The following PCDH15 variants were observed in gnomAD, a reference collection of about 807,000 sequenced individuals.
The protein encoded by PCDH15 is protocadherin related 15.
PCDH15 carries 129 observed loss-of-function variants against 178.5 expected under a neutral mutation model. The observed-to-expected ratio is 0.72, with a 90% confidence interval of 0.63 to 0.84. The LOEUF (loss-of-function observed/expected upper bound fraction) is 0.84. Ranked by LOEUF, PCDH15 falls within the 40% of genes least tolerant of loss-of-function variation. The pLI is 0.00. For missense variants in PCDH15, 2,230 were observed against 2,099.9 expected (o/e 1.06, Z -1.21); for synonymous variants, 800 against 732.0 (o/e 1.09, Z -1.50).
intron 1 of PCDH15, among the ~76,000 whole-genome samples, chr10:54,774,901 A>G (rs1170999179): frequency 6.6e-6 from 1 of 150,944 alleles, no homozygotes; most frequent in Non-Finnish European, 1.5e-5. Context: ...TAATCTATTT[A>G]ATAAAGAAGA....
At chr10:53,839,721 AAAGT>A (rs2077527157) in intron 29 of PCDH15, among the ~76,000 whole-genome samples, 2 of 151,944 alleles carry the variant, frequency 1.3e-5, no homozygotes, top group South Asian at 2.1e-4. Flanking sequence ...ACATCCAAAG[AAAGT>A]AAGTAGCAGG....
chr10:54,020,205 G>A lies in PCDH15; in HGVS notation c.2738C>T (p.Thr913Ile). Residue 913 changes from threonine to isoleucine, a missense_variant, in exon 20 of 38, where the codon ACA becomes ATA. Physicochemically the swap from Thr to Ile is moderately conservative, Grantham distance 89. Coordinates refer to ENST00000644397, the MANE Select transcript of PCDH15 (RefSeq NM_001384140.1). The stretch of plus-strand genomic sequence containing the variant: ...TCTAGCCCTTACCTTTACAATCACT[G>A]TGACAGTAGCAATACCAGGTGGCAT... The part of the protein sequence containing the change: ...GTMPPGIATV[T>I]VIVKDMNDYP... 6.2e-7 allele frequency: 1 copy of A among 1,613,504 alleles called. No homozygotes were observed. The highest frequency in any genetic ancestry group is 1.1e-5 in the South Asian group (1 of 91,060).
chr10:54,584,030 G>A (rs1448405421), intron 2 of PCDH15, among the ~76,000 whole-genome samples: 1 of 151,992 alleles, frequency 6.6e-6, no homozygotes, highest in Admixed American at 6.6e-5. Flanking sequence ...ACATGCTTCA[G>A]AATGGAAAGA....
At chr10:55,463,941 GAAAGAAAGAAAGAA>G (rs1839747945) in intron 2 of PCDH15, among the ~76,000 whole-genome samples, 2 of 27,694 alleles carry the variant, frequency 7.2e-5, no homozygotes, top group African/African-American at 5.0e-4. Flanking sequence ...AAGAAAGAAA[GAAAGAAAGAAAGAA>G]AGAAAGAAAG....
At chr10:55,110,446 A>G (rs1837473308) in intron 2 of PCDH15, among the ~76,000 whole-genome samples, 1 of 152,076 alleles carries the variant, frequency 6.6e-6, no homozygotes, top group Non-Finnish European at 1.5e-5. Context: ...GTGCATGTTT[A>G]CCAGAATTAA....
intron 33 of PCDH15, among the ~76,000 whole-genome samples, chr10:53,819,643 T>G (rs1270995507): frequency 3.3e-5 from 5 of 152,022 alleles, no homozygotes; most frequent in Non-Finnish European, 7.4e-5. Flanking sequence ...TTAAAAGGTA[T>G]CTAATAATTT....
intron 29 of PCDH15, among the ~76,000 whole-genome samples, chr10:53,835,073 A>AAAACT (rs2077228360): frequency 6.6e-6 from 1 of 152,182 alleles, no homozygotes; most frequent in Non-Finnish European, 1.5e-5. Context: ...TTCTTTTCAC[A>AAAACT]GTTTCATAAC....
chr10:54,095,776 A>G (rs1386242944), intron 15 of PCDH15, among the ~76,000 whole-genome samples: 1 of 152,152 alleles, frequency 6.6e-6, no homozygotes, highest in African/African-American at 2.4e-5. Context: ...GACTTCCGTT[A>G]GATTTAGGGA....
At chr10:55,156,829 A>G (rs1246175063) in intron 2 of PCDH15, among the ~76,000 whole-genome samples, 1 of 152,082 alleles carries the variant, frequency 6.6e-6, no homozygotes, top group Non-Finnish European at 1.5e-5. Flanking sequence ...AAACAGAGAG[A>G]GGTTGGTGAC....
intron 1 of PCDH15, among the ~76,000 whole-genome samples, chr10:54,730,813 T>G (rs551372927): frequency 6.6e-6 from 1 of 151,482 alleles, no homozygotes; most frequent in Non-Finnish European, 1.5e-5. Context: ...GAAGAAAATA[T>G]TGAAAAAATA....
intron 1 of PCDH15, among the ~76,000 whole-genome samples, chr10:54,753,892 G>T (rs1016515191): frequency 4.2e-5 from 5 of 118,224 alleles, no homozygotes; most frequent in South Asian, 3.1e-4. Context: ...TTGTTTGTTT[G>T]TGTTTTTTTT....
intron 1 of PCDH15, among the ~76,000 whole-genome samples, chr10:55,279,108 T>C (rs1319120118): frequency 1.3e-5 from 2 of 152,140 alleles, no homozygotes; most frequent in African/African-American, 2.4e-5. Flanking sequence ...AGCCATTCCG[T>C]TTACAACTGT....
intron 15 of PCDH15, among the ~76,000 whole-genome samples, chr10:54,109,053 G>A (rs1284310766): frequency 6.6e-6 from 1 of 152,158 alleles, no homozygotes; most frequent in Non-Finnish European, 1.5e-5. Flanking sequence ...GAGACTTGCT[G>A]GCTTCAGATG....
At chr10:54,809,909 T>C (rs915232308) in intron 3 of PCDH15, among the ~76,000 whole-genome samples, 5 of 152,200 alleles carry the variant, frequency 3.3e-5, no homozygotes, top group African/African-American at 1.2e-4. Context: ...CCTTTGCTAT[T>C]AGAATGTGTT....
intron 1 of PCDH15, among the ~76,000 whole-genome samples, chr10:55,179,903 T>C (rs968304022): frequency 2.0e-5 from 3 of 151,948 alleles, no homozygotes; most frequent in African/African-American, 4.8e-5. Context: ...CCTGCAACAG[T>C]AGCAGTAAGA....
rs554304333 is a variant in PCDH15 at position 54,774,657 on chromosome 10, A to G, written c.-29+26268T>C. On this transcript the variant is annotated intron_variant, in intron 1 of 37. Coordinates refer to ENST00000644397, the MANE Select transcript of PCDH15 (RefSeq NM_001384140.1). Reference sequence around the variant, plus strand: ...TCACCAGTGGTTAGTTATCCCAGGCAGTATTACCTACTAAGCCTTAGGGAC... The same window carrying G: ...TCACCAGTGGTTAGTTATCCCAGGCGGTATTACCTACTAAGCCTTAGGGAC... 8.5e-4 allele frequency among the ~76,000 whole-genome samples: 130 copies of G among 152,300 alleles called. 1 individual carries two copies. Among genetic ancestry groups the G allele is most frequent in the Non-Finnish European group, 1.4e-3 (92 of 68,022 alleles).
chr10:54,565,080 A>AT (rs2088815314), intron 2 of PCDH15, among the ~76,000 whole-genome samples: 1 of 152,178 alleles, frequency 6.6e-6, no homozygotes, highest in Non-Finnish European at 1.5e-5. Context: ...CCAAACCATT[A>AT]TAAGCAATAA....
At chr10:54,134,367 A>G (rs2133079676) in intron 14 of PCDH15, among the ~76,000 whole-genome samples, 1 of 151,658 alleles carries the variant, frequency 6.6e-6, no homozygotes, top group African/African-American at 2.4e-5. Flanking sequence ...GTAGTCCCAA[A>G]CTCTTTATAA....
At chr10:54,815,827 A>C (rs1223748136) in intron 3 of PCDH15, among the ~76,000 whole-genome samples, 1 of 152,144 alleles carries the variant, frequency 6.6e-6, no homozygotes, top group Non-Finnish European at 1.5e-5. Flanking sequence ...TAAACACAGT[A>C]CACTACTCTA....
Sources: gnomAD v4.1 joint callset for allele counts (sites outside exome capture counted in the v4.1 genomes callset) on GRCh38, gnomAD v4.1.1 for gene constraint, MANE v1.5 for transcripts, NCBI Gene and HGNC (gene_info 2026-07-23, HGNC 2026-07-21) for gene names.